The following WNK1 variants were observed in gnomAD, a reference collection of about 807,000 sequenced individuals.
WNK1 encodes serine/threonine-protein kinase WNK1.
In WNK1, 38 loss-of-function variants were observed where a neutral mutation model predicts 222.8. The ratio of observed to expected loss-of-function variants is 0.17; its 90% CI spans 0.13 to 0.22. WNK1 has a LOEUF of 0.22. WNK1 is among the 10% of genes least tolerant of loss of function. The pLI, the probability that WNK1 is intolerant of heterozygous loss-of-function variation, is 1.00. For synonymous variants in WNK1, 1,090 were observed against 1,092.9 expected, an observed-to-expected ratio of 1.00 and a Z score of 0.05; for missense variants, 2,348 against 2,918.4, an observed-to-expected ratio of 0.80 and a Z score of 4.50.
At chr12:793,624 A>G (rs1034327106) in intron 1 of WNK1, among the ~76,000 whole-genome samples, 1 of 152,150 alleles carries the variant, frequency 6.6e-6, no homozygotes, top group Non-Finnish European at 1.5e-5. Context: ...TCTTCTCACT[A>G]TATGTATATT....
intron 1 of WNK1, among the ~76,000 whole-genome samples, chr12:805,097 G>A (rs1946254791): frequency 6.6e-6 from 1 of 151,968 alleles, no homozygotes; most frequent in Non-Finnish European, 1.5e-5. Context: ...TGGTGTTCAT[G>A]TATCTGTTGG....
At chr12:781,624 TCTC>T (rs1341286744) in intron 1 of WNK1, among the ~76,000 whole-genome samples, 1 of 152,164 alleles carries the variant, frequency 6.6e-6, no homozygotes, top group East Asian at 1.9e-4. Flanking sequence ...TTTTATTTGG[TCTC>T]TTATTAATAG....
rs545954738 is a variant in WNK1 at position 763,353 on chromosome 12, G to A, written c.759+9029G>A. Among the ~76,000 whole-genome samples the A allele has an allele frequency of 1.9e-4, 28 of 147,020 alleles. 2 individuals carry two copies. The highest frequency in any genetic ancestry group is 6.8e-4 in the African/African-American group (28 of 41,146). ...AATCCCAACACTTTGGGAGGCCGAG[G>A]TTAGTGGATAACCTGAGGTCAGAAG... On this transcript the variant is annotated intron_variant, in intron 1 of 27. Transcript: ENST00000315939.
intron 5 of WNK1, among the ~76,000 whole-genome samples, chr12:857,625 C>G (rs1950885360): frequency 6.6e-6 from 1 of 152,208 alleles, no homozygotes; most frequent in Non-Finnish European, 1.5e-5. Flanking sequence ...AACTTTGGCT[C>G]TTTAAAGTCA....
At chr12:812,553 G>T (rs1266735641) in intron 1 of WNK1, among the ~76,000 whole-genome samples, 1 of 152,160 alleles carries the variant, frequency 6.6e-6, no homozygotes, top group Non-Finnish European at 1.5e-5. Context: ...TGGTTTTAAT[G>T]CTATTGGGCA....
At chr12:907,596 G>A (rs961432209) in intron 26 of WNK1, 1 of 547,576 alleles carries the variant, frequency 1.8e-6, no homozygotes, top group East Asian at 3.2e-5. Flanking sequence ...AGAGGCCCCT[G>A]CCTGTGTACC....
chr12:901,424 C>A, intron 26 of WNK1: 1 of 404,714 alleles, frequency 2.5e-6, no homozygotes. Flanking sequence ...ACATATCTGA[C>A]CTTCCCCCCA....
chr12:844,255 C>G (rs1319901444), intron 4 of WNK1, among the ~76,000 whole-genome samples: 1 of 152,048 alleles, frequency 6.6e-6, no homozygotes, highest in Non-Finnish European at 1.5e-5. Flanking sequence ...CTTCAACCTC[C>G]CAAGTAACTG....
At chr12:795,433 C>A (rs180741049) in intron 1 of WNK1, among the ~76,000 whole-genome samples, 3 of 151,706 alleles carry the variant, frequency 2.0e-5, no homozygotes, top group Non-Finnish European at 4.4e-5. Flanking sequence ...TCATGGGGGC[C>A]GTTTCCTCCA....
chr12:801,600 G>T (rs1469362246), intron 1 of WNK1, among the ~76,000 whole-genome samples: 1 of 150,906 alleles, frequency 6.6e-6, no homozygotes, highest in African/African-American at 2.4e-5. Flanking sequence ...AAGAGACAAG[G>T]TCTTGCTCTG....
chr12:857,809 T>C (rs1950899740), intron 5 of WNK1, among the ~76,000 whole-genome samples: 1 of 152,240 alleles, frequency 6.6e-6, no homozygotes, highest in Non-Finnish European at 1.5e-5. Flanking sequence ...GTATCTGATC[T>C]GCCATGTAGC....
chr12:842,317 C>T (rs917410313), intron 4 of WNK1, among the ~76,000 whole-genome samples: 6 of 151,956 alleles, frequency 3.9e-5, no homozygotes, highest in Non-Finnish European at 8.8e-5. Context: ...TTTGCATGAA[C>T]CTAATAGAAT....
intron 4 of WNK1, among the ~76,000 whole-genome samples, chr12:854,122 C>G: frequency 6.6e-6 from 1 of 151,890 alleles, no homozygotes. Context: ...AATCCCAGCA[C>G]TTTGGGAGGC....
rs767452032 is a variant in WNK1, at chr12:879,902, G to A, written c.2703G>A (p.Gln901=). 6.2e-7 allele frequency: 1 copy of A among 1,613,988 alleles called. No individual in the cohort carries two copies. The highest frequency in any genetic ancestry group is 1.3e-5 in the African/African-American group (1 of 74,918). ...CTAGTCAGCTTCCAACCCTTCTGCA[G>A]CCTGTGACTCAGCTGCCAAGTCAGG... ...VVPSQLPTLL[Q]PVTQLPSQVH... is the part of the protein sequence containing the mutation. The change falls in exon 11 of 28, where the codon CAG becomes CAA. Residue 901 remains glutamine, a synonymous_variant. Transcript: ENST00000315939.
At chr12:823,633 A>G (rs1271609884) in intron 2 of WNK1, among the ~76,000 whole-genome samples, 1 of 152,132 alleles carries the variant, frequency 6.6e-6, no homozygotes, top group African/African-American at 2.4e-5. Context: ...GATATTCTCT[A>G]CTTCAATAGA....
chr12:883,423 A>G lies in WNK1; in HGVS notation c.3518A>G (p.Glu1173Gly), dbSNP rs1424926783. The G allele has an allele frequency of 6.2e-7, 1 of 1,614,224 alleles. No homozygotes were observed. The highest frequency in any genetic ancestry group is 1.3e-5 in the African/African-American group (1 of 75,060). The change falls in exon 16 of 28, where the codon GAG becomes GGG. Residue 1173 changes from glutamate (E) to glycine (G), a missense_variant. Physicochemically the swap from Glu to Gly is moderately conservative, Grantham distance 98. Transcript: ENST00000315939. ...MVNNDFILAI[E>G]RESFVDQVRE... The stretch of plus-strand genomic sequence containing the variant: ...AACAATGACTTTATTCTAGCAATAG[A>G]GAGAGAGTCGTTTGTGGATCAAGTG...
intron 2 of WNK1, among the ~76,000 whole-genome samples, chr12:817,332 T>C (rs1021063759): frequency 6.6e-6 from 1 of 151,954 alleles, no homozygotes; most frequent in Admixed American, 6.5e-5. Flanking sequence ...CGAGACTCCA[T>C]CTCAAAAATA....
chr12:759,936 G>A (rs1472671834), intron 1 of WNK1, among the ~76,000 whole-genome samples: 3 of 148,066 alleles, frequency 2.0e-5, no homozygotes, highest in Non-Finnish European at 4.5e-5. Context: ...TGATGATGCA[G>A]CATCTTTTTT....
intron 1 of WNK1, among the ~76,000 whole-genome samples, chr12:773,893 T>A (rs1678147743): frequency 6.6e-6 from 1 of 152,216 alleles, no homozygotes; most frequent in African/African-American, 2.4e-5. Flanking sequence ...AAGTATGTTA[T>A]TTTTGCTATT....
Sources: gnomAD v4.1 joint callset for allele counts (sites outside exome capture counted in the v4.1 genomes callset) on GRCh38, gnomAD v4.1.1 for gene constraint, MANE v1.5 for transcripts, NCBI Gene and HGNC (gene_info 2026-07-23, HGNC 2026-07-21) for gene names.